Variants in USP20 observed in about 807,000 individuals in gnomAD.
USP20 encodes the protein ubiquitin specific peptidase 20, also known as ubiquitin carboxyl-terminal hydrolase 20.
Under a neutral mutation model 124.2 loss-of-function variants are expected in USP20, and 80 were observed. The observed-to-expected ratio is 0.64, with a 90% CI of 0.54 to 0.78. USP20 has a LOEUF of 0.78. Ranked by LOEUF, USP20 falls within the 30% of genes least tolerant of loss-of-function variation. The pLI, the probability that USP20 is intolerant of heterozygous loss-of-function variation, is 0.00. For missense variants in USP20, 1,043 were observed against 1,244.4 expected (o/e 0.84, Z 2.44); for synonymous variants, 481 against 512.3 (o/e 0.94, Z 0.83).
rs2034227357 is a variant in USP20 at position 129,873,403 on chromosome 9, G to A, written c.1661-79G>A. ...CCAGCCAGGTTTTATTTCTTAAGCA[G>A]AAATCATTATAGTCACTTTTTTTTG... On this transcript the variant is annotated intron_variant, in intron 15 of 25. Coordinates refer to ENST00000372429, the MANE Select transcript of USP20 (RefSeq NM_001110303.4). 8 of 1,565,930 alleles carry A rather than the reference G, an allele frequency of 5.1e-6. No homozygotes were observed. In the Middle Eastern group the frequency reaches 6.7e-4, roughly 131 times the overall value.
At chr9:129,844,471 C>A (rs919256075) in intron 1 of USP20, among the ~76,000 whole-genome samples, 1 of 151,320 alleles carries the variant, frequency 6.6e-6, no homozygotes, top group African/African-American at 2.4e-5. Context: ...ACAAAAAATA[C>A]AAAAATTAGC....
chr9:129,849,195 A>T (rs2032760198), intron 1 of USP20, among the ~76,000 whole-genome samples: 1 of 152,340 alleles, frequency 6.6e-6, no homozygotes, highest in East Asian at 1.9e-4. Context: ...CCCCTCCAGC[A>T]GACCTGTGCA....
rs2131020308 is a variant in USP20 at position 129,835,494 on chromosome 9, G to T, written c.-134G>T. On this transcript the variant is annotated 5_prime_UTR_variant, in exon 1 of 26. Transcript: ENST00000372429. ...ACAGGCGGCGGCGGCGCAGTTGCGAGTGCAGGTGAGTTCCGGGCCGCCACC... is the reference window on the plus strand; with the variant it reads ...ACAGGCGGCGGCGGCGCAGTTGCGATTGCAGGTGAGTTCCGGGCCGCCACC... The T allele has an allele frequency of 2.6e-6, 1 of 380,682 alleles. No individual in the cohort carries two copies. The highest frequency in any genetic ancestry group is 4.2e-5 in the South Asian group (1 of 23,872). The allele number at this position is 380,682 out of a possible 1,614,324, so 23.6% of individuals were successfully genotyped here. A position where few individuals can be genotyped will look rare whatever the true frequency, so the allele number is the denominator to read the frequency against.
chr9:129,851,539 A>G (rs951160601), intron 2 of USP20, among the ~76,000 whole-genome samples: 1 of 146,602 alleles, frequency 6.8e-6, no homozygotes, highest in African/African-American at 2.6e-5. Flanking sequence ...AGTTATTTGC[A>G]CTTTTAACAC....
intron 15 of USP20, among the ~76,000 whole-genome samples, chr9:129,871,887 T>C (rs1817270652): frequency 6.6e-6 from 1 of 151,748 alleles, no homozygotes; most frequent in Non-Finnish European, 1.5e-5. Context: ...TGGCTAATTT[T>C]TGTATTTTTA....
chr9:129,881,064 G>C lies in USP20; in HGVS notation c.*614G>C, dbSNP rs1479271282. The C allele has an allele frequency of 6.6e-6, 1 of 152,530 alleles. No homozygotes were observed. Among genetic ancestry groups the C allele is most frequent in the Non-Finnish European group, 1.5e-5 (1 of 68,258 alleles). The allele number at this position is 152,530 out of a possible 1,614,324, so 9.4% of individuals were successfully genotyped here. On this transcript the variant is annotated 3_prime_UTR_variant, in exon 26 of 26. Coordinates refer to ENST00000372429, the MANE Select transcript of USP20 (RefSeq NM_001110303.4). ...CCAGGAGGAGGTTGGATTTCTGCCAGTGGGGGATGTTTCTGGAGGCAGCTG... is the reference window on the plus strand; with the variant it reads ...CCAGGAGGAGGTTGGATTTCTGCCACTGGGGGATGTTTCTGGAGGCAGCTG...
rs1192070427 is a variant in USP20 at position 129,863,328 on chromosome 9, G to A, written c.611+29G>A. The A allele has an allele frequency of 5.3e-6, 8 of 1,508,450 alleles. No individual in the cohort carries two copies. In the East Asian group the frequency reaches 7.5e-5, roughly 14 times the overall value. The allele number at this position is 1,508,450 out of a possible 1,614,324, so 93.4% of individuals were successfully genotyped here. ...AGCAGCTGCATCCCTAGCCTTGGGC[G>A]GTGTGTGGGGACTGGGGTTTCCTGT... On this transcript the variant is annotated intron_variant, in intron 9 of 25. Transcript: ENST00000372429.
chr9:129,861,470 A>G, intron 7 of USP20, 73 bp from the exon 8 acceptor site: 2 of 1,437,646 alleles, frequency 1.4e-6, no homozygotes, highest in Non-Finnish European at 9.8e-7. Context: ...CCTTTGTGCC[A>G]AATGTGACTT....
At chr9:129,874,043 A>G (rs2034265668) in intron 17 of USP20, among the ~76,000 whole-genome samples, 1 of 152,188 alleles carries the variant, frequency 6.6e-6, no homozygotes, top group South Asian at 2.1e-4. Context: ...TGAGACAGCT[A>G]TGGCTCCTGC....
chr9:129,876,654 A>G (rs1487485200), intron 22 of USP20, among the ~76,000 whole-genome samples: 1 of 138,648 alleles, frequency 7.2e-6, no homozygotes, highest in Non-Finnish European at 1.6e-5. Context: ...AAAAAAAAAA[A>G]GAAAAAGAAA....
chr9:129,845,521 TTTG>T (rs1188342373), intron 1 of USP20, among the ~76,000 whole-genome samples: 1 of 152,160 alleles, frequency 6.6e-6, no homozygotes, highest in Non-Finnish European at 1.5e-5. Flanking sequence ...AAAAGCATTT[TTTG>T]TTGTTTTTTG....
intron 15 of USP20, among the ~76,000 whole-genome samples, chr9:129,873,080 C>CTTTT (rs59712662): frequency 0.016 from 1,225 of 78,360 alleles, 91 homozygotes; most frequent in South Asian, 0.07. Context: ...TTTTCTTCTT[C>CTTTT]TTTTTTTTTT....
intron 6 of USP20, among the ~76,000 whole-genome samples, chr9:129,860,032 TA>T (rs546950103): frequency 6.7e-6 from 1 of 149,156 alleles, no homozygotes; most frequent in East Asian, 2.0e-4. Flanking sequence ...CTCTATCTCT[TA>T]AAAAAAGTCC....
chr9:129,869,059 G>A (rs749938049), intron 12 of USP20, 57 bp downstream of exon 12: 172 of 1,531,960 alleles, frequency 1.1e-4, no homozygotes, highest in Non-Finnish European at 1.3e-4. Flanking sequence ...GATTACGCCC[G>A]TAGCTGCCTT....
intron 1 of USP20, 157 bp from the exon 2 acceptor site, chr9:129,849,656 G>C (rs2032787113): frequency 6.6e-6 from 1 of 152,242 alleles, no homozygotes; most frequent in African/African-American, 2.4e-5. Flanking sequence ...CCAGCTACTT[G>C]GGAAGTTGAG....
Position 129,879,495 on chromosome 9 carries a change from C to G in USP20, c.2513-78C>G, listed in dbSNP as rs966495731. On this transcript the variant is annotated intron_variant, in intron 23 of 25. Transcript: ENST00000372429. This position sits in a 1 kb window ranked among gnomAD's most constrained non-coding sequence, Gnocchi z 4.2. The stretch of plus-strand genomic sequence containing the variant: ...CTGACCCCCAGGCCTGGGGCGGCCC[C>G]ACTTGGGATGGCTCTGCTGCTGTGG... 7.2e-6 allele frequency: 11 copies of G among 1,518,584 alleles called. No homozygotes were observed. In the African/African-American group the frequency reaches 1.5e-4, roughly 21 times the overall value. 94.1% of individuals were successfully genotyped at this position (1,518,584 alleles called of 1,614,324 possible).
intron 2 of USP20, among the ~76,000 whole-genome samples, chr9:129,850,163 C>G (rs1180388998): frequency 6.6e-6 from 1 of 152,086 alleles, no homozygotes; most frequent in African/African-American, 2.4e-5. Flanking sequence ...ATTGATGAGT[C>G]TAGGTACATG....
chr9:129,873,592 AG>A (rs2034239696), intron 16 of USP20, 77 bp downstream of exon 16: 1 of 1,613,216 alleles, frequency 6.2e-7, no homozygotes, highest in African/African-American at 1.3e-5. Flanking sequence ...TCCTGCAGAG[AG>A]CCCCCTATAA....
rs1009332550 is a variant in USP20, at chr9:129,875,249, T to A, written c.2049-61T>A. 30 of 1,505,306 alleles carry A rather than the reference T, an allele frequency of 2.0e-5. No homozygotes were observed. The African/African-American group carries it at 4.1e-4, about 21-fold the overall frequency. 93.2% of individuals were successfully genotyped at this position (1,505,306 alleles called of 1,614,324 possible). ...CCGAGGTGCACTGGGATGGGGGCTC[T>A]GCATGTGTCTGAAGGTGGCAGCCGT... On this transcript the variant is annotated intron_variant, in intron 19 of 25. Coordinates refer to ENST00000372429, the MANE Select transcript of USP20 (RefSeq NM_001110303.4).
Sources: gnomAD v4.1 joint callset for allele counts (sites outside exome capture counted in the v4.1 genomes callset) on GRCh38, gnomAD v4.1.1 for gene constraint, Gnocchi (gnomAD v3.1) non-coding constraint, MANE v1.5 for transcripts, NCBI Gene and HGNC (gene_info 2026-07-23, HGNC 2026-07-21) for gene names.